CPAMD8: variants seen among roughly 807,000 people sequenced by gnomAD.
CPAMD8 encodes the protein C3 and PZP-like alpha-2-macroglobulin domain-containing protein 8.
A neutral mutation model predicts 224.7 loss-of-function variants in CPAMD8; 146 were observed. That is an observed-to-expected ratio of 0.65 (90% CI 0.57 to 0.75). The LOEUF is 0.75. CPAMD8 is among the 30% of genes least tolerant of loss of function. CPAMD8 has a pLI of 0.00. For synonymous variants in CPAMD8, 966 were observed against 1,044.6 expected, an observed-to-expected ratio of 0.92 and a Z score of 1.45; for missense variants, 2,301 against 2,537.5, an observed-to-expected ratio of 0.91 and a Z score of 2.00.
At chr19:16,993,378 T>C (rs770428152) in intron 12 of CPAMD8, 38 bp downstream of exon 12, 2 of 1,587,494 alleles carry the variant, frequency 1.3e-6, no homozygotes, top group South Asian at 1.1e-5. Context: ...AGTCCATACC[T>C]GCTGGCTGAA....
intron 41 of CPAMD8, 52 bp downstream of exon 41, chr19:16,896,124 G>A: frequency 2.5e-6 from 4 of 1,595,114 alleles, no homozygotes; most frequent in East Asian, 2.2e-5. Flanking sequence ...GGAGGGAGGT[G>A]GGGAGATATT....
At chr19:16,930,694 C>A (rs764522966) in intron 23 of CPAMD8, among the ~76,000 whole-genome samples, 5 of 152,140 alleles carry the variant, frequency 3.3e-5, no homozygotes, top group African/African-American at 9.7e-5. Context: ...GGGCCACAGA[C>A]TAGCCTAGGG....
At chr19:16,947,053 C>T in intron 21 of CPAMD8, 21 bp downstream of exon 21, 1 of 1,579,730 alleles carries the variant, frequency 6.3e-7, no homozygotes, top group Non-Finnish European at 8.6e-7. Flanking sequence ...GGGGACACCC[C>T]AAGAACTGTG....
chr19:16,975,349 C>T, intron 16 of CPAMD8, 91 bp from the exon 17 acceptor site: 1 of 1,005,622 alleles, frequency 9.9e-7, no homozygotes, highest in African/African-American at 1.6e-5. Context: ...CCCATCCCAA[C>T]CTCTTTATCA....
chr19:16,999,692 A>C (rs1178138751), intron 10 of CPAMD8, among the ~76,000 whole-genome samples: 1 of 151,890 alleles, frequency 6.6e-6, no homozygotes, highest in African/African-American at 2.4e-5. Flanking sequence ...TTTTTATTTT[A>C]TTTTAGAGAT....
intron 18 of CPAMD8, among the ~76,000 whole-genome samples, chr19:16,969,960 C>T (rs10413016): frequency 0.23 from 34,246 of 149,300 alleles, 4,163 homozygotes; most frequent in African/African-American, 0.28. Context: ...TATTGCCAGG[C>T]GCAGTGGCTC....
chr19:16,986,609 C>A lies in CPAMD8; in HGVS notation c.1395+3034G>T, dbSNP rs146768746. ...AATCCCAGGAAACAGGCAGCCTTGG[C>A]GCCACGATTCCTCCAAGCTGAACCC... On this transcript the variant is annotated intron_variant, in intron 13 of 41. Transcript: ENST00000443236. 6.4e-3 allele frequency among the ~76,000 whole-genome samples: 970 copies of A among 152,206 alleles called. 5 individuals are homozygous for A. The highest frequency in any genetic ancestry group is 0.022 in the African/African-American group (922 of 41,540).
chr19:16,982,858 A>C (rs1359767524), intron 13 of CPAMD8, among the ~76,000 whole-genome samples: 3 of 152,050 alleles, frequency 2.0e-5, no homozygotes, highest in African/African-American at 7.2e-5. Context: ...TCTCATCTTG[A>C]ATTGTAGCTC....
At chr19:16,965,594 C>T (rs963487465) in intron 18 of CPAMD8, among the ~76,000 whole-genome samples, 17 of 152,262 alleles carry the variant, frequency 1.1e-4, no homozygotes, top group Middle Eastern at 3.4e-3. Flanking sequence ...TAGAAAACCC[C>T]ATCATCTCAG....
chr19:16,960,570 T>C (rs2054619844), intron 18 of CPAMD8, among the ~76,000 whole-genome samples: 1 of 151,798 alleles, frequency 6.6e-6, no homozygotes, highest in African/African-American at 2.4e-5. Flanking sequence ...TTCTATTCTT[T>C]TTTTTTTTAA....
chr19:16,973,067 G>T (rs1171284745), intron 17 of CPAMD8, among the ~76,000 whole-genome samples: 1 of 152,054 alleles, frequency 6.6e-6, no homozygotes, highest in Non-Finnish European at 1.5e-5. Flanking sequence ...TACTCAGGAG[G>T]CTGAGGCAGG....
chr19:16,906,407 T>TTTCTTTCTTTCCTTCC (rs1196710399), intron 30 of CPAMD8, among the ~76,000 whole-genome samples: 1 of 69,864 alleles, frequency 1.4e-5, no homozygotes, highest in Non-Finnish European at 2.8e-5. Context: ...TCTTTCTTTC[T>TTTCTTTCTTTCCTTCC]TTCCTTCCTT....
Position 16,914,737 on chromosome 19 carries a change from C to T in CPAMD8, c.3706G>A (p.Ala1236Thr), listed in dbSNP as rs774635346. The change falls in exon 28 of 42, where the codon GCC becomes ACC. Residue 1236 changes from alanine (A) to threonine (T), a missense_variant. Coordinates refer to ENST00000443236, the MANE Select transcript of CPAMD8 (RefSeq NM_015692.5). ...TGCTGCTGGATGATCCAGCTCTTGG[C>T]GGCAGCCAGCTCCCGGGGGTCCACG... Reference protein sequence around the residue: ...IFVDPRELAAAKSWIIQQQQA... With the variant: ...IFVDPRELAATKSWIIQQQQA... 49 of 1,613,926 alleles carry T rather than the reference C, an allele frequency of 3.0e-5. No individual in the cohort carries two copies. Among genetic ancestry groups the T allele is most frequent in the South Asian group, 8.8e-5 (8 of 91,086 alleles).
rs1317340448 is a variant in CPAMD8, at chr19:16,898,175, C to T, written c.4849-181G>A. 5.3e-6 allele frequency: 3 copies of T among 566,102 alleles called. No homozygotes were observed. Among genetic ancestry groups the T allele is most frequent in the South Asian group, 2.2e-5 (1 of 46,470 alleles). The allele number at this position is 566,102 out of a possible 1,614,324, so 35.1% of individuals were successfully genotyped here. On this transcript the variant is annotated intron_variant, in intron 37 of 41. Coordinates refer to ENST00000443236, the MANE Select transcript of CPAMD8 (RefSeq NM_015692.5). This position sits in a 1 kb window ranked among gnomAD's most constrained non-coding sequence, Gnocchi z 4.2. ...TTTTTTTTTTCCTGAGACAGAGTCT[C>T]GCGCTGTTGCCCAGGCTGGAGTGCA...
chr19:16,975,536 G>A (rs35919332), intron 16 of CPAMD8, among the ~76,000 whole-genome samples: 6,118 of 151,872 alleles, frequency 0.04, 280 homozygotes, highest in African/African-American at 0.11. Flanking sequence ...GCAAGACCCC[G>A]CCCCTACAAA....
chr19:17,022,275 C>T, intron 1 of CPAMD8, 94 bp from the exon 2 acceptor site: 13 of 1,424,568 alleles, frequency 9.1e-6, no homozygotes, highest in Non-Finnish European at 1.2e-5. Context: ...GCAGCAGACT[C>T]CTGCCTTTTG....
At chr19:16,968,843 G>T (rs1419898730) in intron 18 of CPAMD8, among the ~76,000 whole-genome samples, 1 of 152,022 alleles carries the variant, frequency 6.6e-6, no homozygotes, top group Admixed American at 6.6e-5. Context: ...TTTGCCATGT[G>T]CCCAGGCTGG....
chr19:16,945,231 G>T lies in CPAMD8; in HGVS notation c.2793+318C>A, dbSNP rs139213513. Among the ~76,000 whole-genome samples the T allele has an allele frequency of 3.1e-3, 469 of 152,248 alleles. 1 individual carries two copies. The highest frequency in any genetic ancestry group is 8.7e-3 in the African/African-American group (360 of 41,542). ...ATGCTGAGTCATGGTCCCCATAAAT[G>T]CCTATGACAAGCACGAGATGAGGGA... On this transcript the variant is annotated intron_variant, in intron 22 of 41. Transcript: ENST00000443236.
rs2057047898 is a variant in CPAMD8 at position 17,025,229 on chromosome 19, G to C, written c.92+1322C>G. Among the ~76,000 whole-genome samples, 5 of 152,100 alleles carry C rather than the reference G, an allele frequency of 3.3e-5. No individual in the cohort carries two copies. The South Asian group carries it at 1.0e-3, about 32-fold the overall frequency. On this transcript the variant is annotated intron_variant, in intron 1 of 41. Coordinates refer to ENST00000443236, the MANE Select transcript of CPAMD8 (RefSeq NM_015692.5). ...AGTTCCAGAACAGCCTGGCTAACATGGAGAAACCCCATCTCTATTAAAAAT... is the reference window on the plus strand; with the variant it reads ...AGTTCCAGAACAGCCTGGCTAACATCGAGAAACCCCATCTCTATTAAAAAT...
Sources: gnomAD v4.1 joint callset for allele counts (sites outside exome capture counted in the v4.1 genomes callset) on GRCh38, gnomAD v4.1.1 for gene constraint, Gnocchi (gnomAD v3.1) non-coding constraint, MANE v1.5 for transcripts, NCBI Gene and HGNC (gene_info 2026-07-23, HGNC 2026-07-21) for gene names.